NHEJ1: variants seen among roughly 807,000 people sequenced by gnomAD.
The protein encoded by NHEJ1 is non-homologous end-joining factor 1.
Under a neutral mutation model 39.4 loss-of-function variants are expected in NHEJ1, and 22 were observed. That is an observed-to-expected ratio of 0.56 (90% confidence interval 0.40 to 0.80). The LOEUF (loss-of-function observed/expected upper bound fraction) is 0.80. Ranked by LOEUF, NHEJ1 falls within the 30% of genes least tolerant of loss-of-function variation. The pLI, the probability that NHEJ1 is intolerant of heterozygous loss-of-function variation, is 0.00. For missense variants in NHEJ1, 329 were observed against 357.1 expected, an observed-to-expected ratio of 0.92 and a Z score of 0.63; for synonymous variants, 154 against 135.6, an observed-to-expected ratio of 1.14 and a Z score of -0.94.
chr2:219,083,217 T>C (rs1949081657), intron 5 of NHEJ1, among the ~76,000 whole-genome samples: 1 of 152,126 alleles, frequency 6.6e-6, no homozygotes, highest in African/African-American at 2.4e-5. Flanking sequence ...AACAAATATA[T>C]AGCTAATTAA....
At chr2:219,113,360 G>A (rs1192527831) in intron 5 of NHEJ1, among the ~76,000 whole-genome samples, 2 of 152,136 alleles carry the variant, frequency 1.3e-5, no homozygotes, top group Admixed American at 1.3e-4. Flanking sequence ...TGAGGAGGGA[G>A]AGATGGACAG....
At chr2:219,121,493 T>A (rs1219892532) in intron 5 of NHEJ1, among the ~76,000 whole-genome samples, 1 of 152,200 alleles carries the variant, frequency 6.6e-6, no homozygotes, top group Non-Finnish European at 1.5e-5. Context: ...ATTATTGTTC[T>A]GATTTTTTCT....
In NHEJ1 at chr2:219,070,144, C is replaced by T. The variant is rs184208007; in HGVS notation, c.*6237G>A. Among the ~76,000 whole-genome samples, 3 of 152,282 alleles carry T rather than the reference C, an allele frequency of 2.0e-5. No homozygotes were observed. Among genetic ancestry groups the T allele is most frequent in the East Asian group, 1.9e-4 (1 of 5,186 alleles). On this transcript the variant is annotated 3_prime_UTR_variant, in exon 8 of 8. Coordinates refer to ENST00000356853, the MANE Select transcript of NHEJ1 (RefSeq NM_024782.3). ...TAAGCCCACAATCTGCCACAGCCTC[C>T]GGAGTACCTGGGACTACAGGCGCAC...
chr2:219,115,430 G>A (rs987321821), intron 5 of NHEJ1, among the ~76,000 whole-genome samples: 4 of 152,140 alleles, frequency 2.6e-5, no homozygotes, highest in African/African-American at 9.7e-5. Flanking sequence ...GGTGAGAGAC[G>A]GTAGAGGGGA....
chr2:219,153,367 T>G (rs1406268723), intron 3 of NHEJ1, among the ~76,000 whole-genome samples: 1 of 152,148 alleles, frequency 6.6e-6, no homozygotes, highest in East Asian at 1.9e-4. Context: ...TATCTCTTTC[T>G]TACACTAAGA....
intron 3 of NHEJ1, among the ~76,000 whole-genome samples, chr2:219,153,982 T>C (rs181328454): frequency 1.7e-3 from 266 of 152,326 alleles, no homozygotes; most frequent in Middle Eastern, 6.8e-3. Context: ...TACTCACACA[T>C]TTACATGCAG....
intron 5 of NHEJ1, among the ~76,000 whole-genome samples, chr2:219,101,720 CTT>C (rs771681183): frequency 1.5e-4 from 19 of 125,658 alleles, no homozygotes; most frequent in East Asian, 2.5e-4. Context: ...CTACCTCATT[CTT>C]TTTTTTTTTT....
chr2:219,072,469 T>C lies in NHEJ1; in HGVS notation c.*3912A>G, dbSNP rs986803184. 3.3e-5 allele frequency among the ~76,000 whole-genome samples: 5 copies of C among 152,212 alleles called. No homozygotes were observed. The highest frequency in any genetic ancestry group is 1.2e-4 in the African/African-American group (5 of 41,452). ...TTATTCCTTTCTAACAGTTTTTTCT[T>C]CAAGAAAAATTAGAAGACAGAAACT... On this transcript the variant is annotated 3_prime_UTR_variant, in exon 8 of 8. Transcript: ENST00000356853.
intron 1 of NHEJ1, among the ~76,000 whole-genome samples, chr2:219,159,592 T>TATATGCATATATATGC (rs767501418): frequency 1.5e-4 from 14 of 94,022 alleles, no homozygotes; most frequent in Non-Finnish European, 3.0e-4. Context: ...TATATGCATA[T>TATATGCATATATATGC]ATATATATGC....
intron 5 of NHEJ1, among the ~76,000 whole-genome samples, chr2:219,116,164 A>T (rs1008687606): frequency 6.6e-6 from 1 of 152,184 alleles, no homozygotes; most frequent in African/African-American, 2.4e-5. Flanking sequence ...AAGTGATTGG[A>T]TTTGCCTCTG....
Position 219,111,628 on chromosome 2 carries a change from GACACACACACAC to G in NHEJ1, c.589-33434_589-33423del, listed in dbSNP as rs368706049. Among the ~76,000 whole-genome samples the G allele has an allele frequency of 2.2e-5, 3 of 138,370 alleles. No homozygotes were observed. The highest frequency in any genetic ancestry group is 4.6e-5 in the Non-Finnish European group (3 of 64,932). 90.8% of individuals were successfully genotyped at this position (138,370 alleles called of 152,430 possible). A position where few individuals can be genotyped will look rare whatever the true frequency, so the allele number is the denominator to read the frequency against. ...GAATTAAGTCTACAGTGTGAATACAGACACACACACACACACACACACACACACACACACAGA... is the reference window on the plus strand; with the variant it reads ...GAATTAAGTCTACAGTGTGAATACAGACACACACACACACACACACACAGA... On this transcript the variant is annotated intron_variant, in intron 5 of 7. Transcript: ENST00000356853. This position sits in a 1 kb window ranked among gnomAD's most constrained non-coding sequence, Gnocchi z 4.1.
intron 5 of NHEJ1, among the ~76,000 whole-genome samples, chr2:219,140,052 G>A (rs909863431): frequency 6.6e-6 from 1 of 152,246 alleles, no homozygotes; most frequent in Admixed American, 6.5e-5. Flanking sequence ...CTTTAAGGAA[G>A]TGAGGAAGTT....
intron 6 of NHEJ1, 36 bp downstream of exon 6, chr2:219,078,053 A>T (rs760872444): frequency 7.1e-7 from 1 of 1,400,714 alleles, no homozygotes; most frequent in Non-Finnish European, 1.0e-6. Context: ...TCCTAATTGT[A>T]TCCTCACACA....
At chr2:219,144,373 C>T (rs144128824) in intron 5 of NHEJ1, among the ~76,000 whole-genome samples, 2 of 152,150 alleles carry the variant, frequency 1.3e-5, no homozygotes, top group East Asian at 3.9e-4. Context: ...GAGGAGAAAG[C>T]CATAGTCTTG....
chr2:219,111,730 C>A lies in NHEJ1; in HGVS notation c.589-33524G>T, dbSNP rs1291804666. On this transcript the variant is annotated intron_variant, in intron 5 of 7. Coordinates refer to ENST00000356853, the MANE Select transcript of NHEJ1 (RefSeq NM_024782.3). The surrounding 1 kb of genome is among the most constrained non-coding windows in gnomAD (Gnocchi z 4.1). The stretch of plus-strand genomic sequence containing the variant: ...GCACACACAACACAACACACCAGGG[C>A]AGCTGCAGAAAACAACTGCTTGTTA... Among the ~76,000 whole-genome samples the A allele has an allele frequency of 6.6e-6, 1 of 151,942 alleles. No individual in the cohort carries two copies. The highest frequency in any genetic ancestry group is 1.5e-5 in the Non-Finnish European group (1 of 68,000).
chr2:219,145,863 C>T (rs1254602389), intron 5 of NHEJ1, among the ~76,000 whole-genome samples: 3 of 150,108 alleles, frequency 2.0e-5, no homozygotes, highest in Non-Finnish European at 4.4e-5. Flanking sequence ...ACCCGGGAGG[C>T]GGAGGTTGCT....
chr2:219,084,491 T>C (rs537521913), intron 5 of NHEJ1, among the ~76,000 whole-genome samples: 1 of 152,126 alleles, frequency 6.6e-6, no homozygotes, highest in African/African-American at 2.4e-5. Flanking sequence ...TAATTCACTG[T>C]CCCCCATCAC....
At chr2:219,121,095 A>G (rs1222419144) in intron 5 of NHEJ1, among the ~76,000 whole-genome samples, 1 of 152,124 alleles carries the variant, frequency 6.6e-6, no homozygotes, top group Non-Finnish European at 1.5e-5. Flanking sequence ...AATCCCAGCT[A>G]CGTGGGAGGC....
In NHEJ1 at chr2:219,111,338, C is replaced by T. The variant is rs1365930307; in HGVS notation, c.589-33132G>A. Among the ~76,000 whole-genome samples the T allele has an allele frequency of 6.6e-6, 1 of 152,116 alleles. No individual in the cohort carries two copies. Among genetic ancestry groups the T allele is most frequent in the Non-Finnish European group, 1.5e-5 (1 of 68,000 alleles). ...TAAGGGGTTAACACTCCTTAAAAAGCAAAGTAGGGGGATGGTACAGCTTTT... is the reference window on the plus strand; with the variant it reads ...TAAGGGGTTAACACTCCTTAAAAAGTAAAGTAGGGGGATGGTACAGCTTTT... On this transcript the variant is annotated intron_variant, in intron 5 of 7. Transcript: ENST00000356853. This position sits in a 1 kb window ranked among gnomAD's most constrained non-coding sequence, Gnocchi z 4.1.
Sources: allele counts gnomAD v4.1 joint callset (sites outside exome capture counted in the v4.1 genomes callset), GRCh38; gene constraint gnomAD v4.1.1; non-coding constraint Gnocchi (gnomAD v3.1); transcripts MANE v1.5; gene names NCBI Gene and HGNC (gene_info 2026-07-23, HGNC 2026-07-21).